MYLK: variants seen among roughly 807,000 people sequenced by gnomAD.
MYLK encodes myosin light chain kinase, also known as myosin light chain kinase, smooth muscle.
Under a neutral mutation model 203.4 loss-of-function variants are expected in MYLK, and 106 were observed. That is an observed-to-expected ratio of 0.52 (90% CI 0.45 to 0.61). The LOEUF (loss-of-function observed/expected upper bound fraction) is 0.61. Ranked by LOEUF, MYLK falls within the 20% of genes least tolerant of loss-of-function variation. The pLI is 0.00. For synonymous variants in MYLK, 867 were observed against 959.5 expected, an observed-to-expected ratio of 0.90 and a Z score of 1.78; for missense variants, 2,072 against 2,442.3, an observed-to-expected ratio of 0.85 and a Z score of 3.20.
At chr3:123,756,052 T>C (rs1209366855) in intron 4 of MYLK, among the ~76,000 whole-genome samples, 1 of 152,132 alleles carries the variant, frequency 6.6e-6, no homozygotes, top group Non-Finnish European at 1.5e-5. Context: ...CCATGTAGCC[T>C]AGAAAAGAGG....
rs143863666 is a variant in MYLK at position 123,853,002 on chromosome 3, C to A, written c.-126-21332G>T. On this transcript the variant is annotated intron_variant, in intron 2 of 33. Coordinates refer to ENST00000360304, the MANE Select transcript of MYLK (RefSeq NM_053025.4). ...GCAAATTAAGAGTTGGGTTGTATGA[C>A]CATTTGTTAAGGCCTCTGAAGGATT... is the stretch of plus-strand genomic sequence containing the variant. 1.2e-4 allele frequency among the ~76,000 whole-genome samples: 18 copies of A among 152,118 alleles called. No individual in the cohort carries two copies. The East Asian group carries it at 3.3e-3, about 28-fold the overall frequency.
At chr3:123,729,996 G>A (rs1410984607) in intron 11 of MYLK, among the ~76,000 whole-genome samples, 1 of 151,774 alleles carries the variant, frequency 6.6e-6, no homozygotes, top group Admixed American at 6.6e-5. Context: ...GGAGGTTGAA[G>A]TGGGAGGATC....
At chr3:123,807,805 C>T (rs1482481903) in intron 3 of MYLK, among the ~76,000 whole-genome samples, 2 of 152,248 alleles carry the variant, frequency 1.3e-5, no homozygotes, top group Non-Finnish European at 1.5e-5. Flanking sequence ...AACCTTGCTG[C>T]CCTTCTCCAG....
chr3:123,818,158 C>A (rs1208354135), intron 3 of MYLK, among the ~76,000 whole-genome samples: 1 of 152,178 alleles, frequency 6.6e-6, no homozygotes, highest in Non-Finnish European at 1.5e-5. Context: ...TTTGCTGAGC[C>A]ATGATATGCC....
intron 20 of MYLK, among the ~76,000 whole-genome samples, chr3:123,675,935 A>T (rs191068256): frequency 6.6e-6 from 1 of 152,330 alleles, no homozygotes; most frequent in East Asian, 1.9e-4. Context: ...CCCAGAATTA[A>T]CATCTCTGGG....
At chr3:123,686,323 C>T (rs1203610545) in intron 19 of MYLK, among the ~76,000 whole-genome samples, 14 of 150,712 alleles carry the variant, frequency 9.3e-5, no homozygotes, top group Non-Finnish European at 5.9e-5. Context: ...TAGACAATGC[C>T]TCACCCCTCC....
intron 31 of MYLK, among the ~76,000 whole-genome samples, chr3:123,625,668 C>T (rs571301368): frequency 5.3e-5 from 8 of 151,084 alleles, no homozygotes; most frequent in South Asian, 2.1e-4. Context: ...ATTAGCCAGG[C>T]GTGGTGGTGG....
intron 4 of MYLK, among the ~76,000 whole-genome samples, chr3:123,792,936 C>A: frequency 6.6e-6 from 1 of 152,210 alleles, no homozygotes; most frequent in East Asian, 1.9e-4. Context: ...GCAACCCCTG[C>A]AAACTCTCCA....
At chr3:123,717,839 C>CTTTTTTTTTTT (rs10574979) in intron 13 of MYLK, among the ~76,000 whole-genome samples, 2 of 94,992 alleles carry the variant, frequency 2.1e-5, no homozygotes, top group African/African-American at 8.7e-5. Flanking sequence ...TTGAGGGACT[C>CTTTTTTTTTTT]TTTTTTTTTT....
intron 2 of MYLK, among the ~76,000 whole-genome samples, chr3:123,875,280 A>G (rs1163143196): frequency 6.6e-6 from 1 of 152,218 alleles, no homozygotes; most frequent in Non-Finnish European, 1.5e-5. Context: ...AATAATACTC[A>G]GCAACAAAAA....
At chr3:123,866,413 G>A (rs2032329715) in intron 2 of MYLK, among the ~76,000 whole-genome samples, 1 of 152,178 alleles carries the variant, frequency 6.6e-6, no homozygotes, top group South Asian at 2.1e-4. Context: ...CGTATGGAGT[G>A]CCTGGTATGT....
At chr3:123,775,489 G>A (rs2064039045) in intron 4 of MYLK, among the ~76,000 whole-genome samples, 3 of 152,154 alleles carry the variant, frequency 2.0e-5, no homozygotes. Context: ...TGTATTTGTT[G>A]TGCACCTATT....
At position 123,873,521 on chromosome 3, in the gene MYLK, G is replaced by C. The variant is rs1257073959; in HGVS notation, c.-127+3038C>G. Among the ~76,000 whole-genome samples the C allele has an allele frequency of 2.6e-5, 4 of 152,204 alleles. No homozygotes were observed. The East Asian group carries it at 7.7e-4, about 29-fold the overall frequency. ...AACTATCTTTATTCAGAGATGACATGATTATCTATGATGAAAATCTCAAAG... is the reference window on the plus strand; with the variant it reads ...AACTATCTTTATTCAGAGATGACATCATTATCTATGATGAAAATCTCAAAG... On this transcript the variant is annotated intron_variant, in intron 2 of 33. Transcript: ENST00000360304.
chr3:123,713,468 T>C (rs1166154080), intron 13 of MYLK, among the ~76,000 whole-genome samples: 1 of 151,996 alleles, frequency 6.6e-6, no homozygotes, highest in Non-Finnish European at 1.5e-5. Flanking sequence ...ACGGTGCCCA[T>C]GGTGACCGCT....
At chr3:123,715,271 G>A (rs1003602815) in intron 13 of MYLK, among the ~76,000 whole-genome samples, 2 of 152,220 alleles carry the variant, frequency 1.3e-5, no homozygotes, top group African/African-American at 4.8e-5. Context: ...CAGCCATGCA[G>A]AAAGCCCATG....
At chr3:123,762,816 A>G (rs2063577284) in intron 4 of MYLK, among the ~76,000 whole-genome samples, 1 of 152,182 alleles carries the variant, frequency 6.6e-6, no homozygotes, top group South Asian at 2.1e-4. Context: ...TTGGAAACAG[A>G]AAGACTGGCC....
At chr3:123,822,814 AC>A (rs1198380049) in intron 3 of MYLK, among the ~76,000 whole-genome samples, 1 of 152,126 alleles carries the variant, frequency 6.6e-6, no homozygotes, top group East Asian at 1.9e-4. Context: ...CTGTCCCCAC[AC>A]CCACCCAATA....
chr3:123,713,158 T>C (rs2061763865), intron 13 of MYLK, among the ~76,000 whole-genome samples: 1 of 152,114 alleles, frequency 6.6e-6, no homozygotes, highest in Non-Finnish European at 1.5e-5. Context: ...GTGTCACTCA[T>C]TGCCCCCGGT....
At chr3:123,699,690 G>C (rs1301262482) in intron 18 of MYLK, among the ~76,000 whole-genome samples, 1 of 152,346 alleles carries the variant, frequency 6.6e-6, no homozygotes, top group East Asian at 1.9e-4. Flanking sequence ...CTCAGGCTCA[G>C]GTCTCCTCTG....
Sources: allele counts gnomAD v4.1 joint callset (sites outside exome capture counted in the v4.1 genomes callset), GRCh38; gene constraint gnomAD v4.1.1; transcripts MANE v1.5; gene names NCBI Gene and HGNC (gene_info 2026-07-23, HGNC 2026-07-21).